The following SULT2A1 variants were observed in gnomAD, a reference collection of about 807,000 sequenced individuals.
SULT2A1 encodes the protein sulfotransferase family 2A member 1.
SULT2A1 carries 43 observed loss-of-function variants against 33.9 expected under a neutral mutation model. That is an observed-to-expected ratio of 1.27 (90% CI 1.00 to 1.64). The LOEUF (loss-of-function observed/expected upper bound fraction) is 1.64. SULT2A1 is among the 40% of genes most tolerant of loss of function. SULT2A1 has a pLI of 0.00. For synonymous variants in SULT2A1, 125 were observed against 113.6 expected (o/e 1.10, Z -0.64); for missense variants, 300 against 335.1 (o/e 0.90, Z 0.82).
chr19:47,877,871 T>C (rs2910393), intron 4 of SULT2A1, among the ~76,000 whole-genome samples: 117,131 of 152,194 alleles, frequency 0.77, 45,335 homozygotes, highest in African/African-American at 0.84. Context: ...TTTCAATACT[T>C]GCTGGTTCTG....
At chr19:47,884,128 C>CA (rs1190408355) in intron 1 of SULT2A1, among the ~76,000 whole-genome samples, 2 of 148,296 alleles carry the variant, frequency 1.3e-5, no homozygotes, top group South Asian at 2.1e-4. Context: ...AAAACAAAAA[C>CA]AAAAAAAAGT....
At chr19:47,882,556 G>A (rs1968613928) in intron 2 of SULT2A1, among the ~76,000 whole-genome samples, 1 of 152,098 alleles carries the variant, frequency 6.6e-6, no homozygotes. Flanking sequence ...CATAAATTAA[G>A]CTACATTCAT....
rs1018215916 is a variant in SULT2A1, at chr19:47,874,494, C to T, written c.745+163G>A. On this transcript the variant is annotated intron_variant, in intron 5 of 5. Coordinates refer to ENST00000222002, the MANE Select transcript of SULT2A1 (RefSeq NM_003167.4). ...GGCGGACGTTGCAGTGAGCTGAGAT[C>T]GCACCACTGCACTCCAGCCTGGGTG... Among the ~76,000 whole-genome samples the T allele has an allele frequency of 2.8e-5, 4 of 144,060 alleles. No homozygotes were observed. The East Asian group carries it at 6.2e-4, about 22-fold the overall frequency. 94.5% of individuals were successfully genotyped at this position (144,060 alleles called of 152,430 possible). A position where few individuals can be genotyped will look rare whatever the true frequency, so the allele number is the denominator to read the frequency against.
In SULT2A1 at chr19:47,880,519, A is replaced by G. The variant is rs543719756; in HGVS notation, c.473-1389T>C. 4.6e-5 allele frequency among the ~76,000 whole-genome samples: 7 copies of G among 151,896 alleles called. No homozygotes were observed. In the South Asian group the frequency reaches 1.0e-3, roughly 23 times the overall value. ...ACCATTTTTTGTCGGGGCGGTGAGA[A>G]CATTTAAGATGGTCTCTCTTAGCAA... On this transcript the variant is annotated intron_variant, in intron 3 of 5. Transcript: ENST00000222002.
intron 1 of SULT2A1, among the ~76,000 whole-genome samples, chr19:47,885,322 G>A (rs1445989885): frequency 2.0e-5 from 3 of 152,156 alleles, no homozygotes; most frequent in Non-Finnish European, 4.4e-5. Context: ...GGTACCTTAT[G>A]TAAGTGGAAT....
intron 1 of SULT2A1, 136 bp downstream of exon 1, chr19:47,885,986 T>A (rs1968652018): frequency 8.3e-6 from 9 of 1,081,118 alleles, no homozygotes; most frequent in Non-Finnish European, 1.2e-5. Context: ...TCTCTGATTG[T>A]CAATGGTATT....
rs1295639718 is a variant in SULT2A1, at chr19:47,870,779, G to T, written c.*676C>A. 2 of 147,262 alleles carry T rather than the reference G, an allele frequency of 1.4e-5. No individual in the cohort carries two copies. Among genetic ancestry groups the T allele is most frequent in the African/African-American group, 2.4e-5 (1 of 41,086 alleles). 9.1% of individuals were successfully genotyped at this position (147,262 alleles called of 1,614,324 possible). The stretch of plus-strand genomic sequence containing the variant: ...ATTGCAAACATTTAAAAAAGTCTGG[G>T]ATCCCATGACTCAACTCACTGCAAC... On this transcript the variant is annotated 3_prime_UTR_variant, in exon 6 of 6. Coordinates refer to ENST00000222002, the MANE Select transcript of SULT2A1 (RefSeq NM_003167.4).
At position 47,870,577 on chromosome 19, in the gene SULT2A1, A is replaced by G. The variant is rs1466280549; in HGVS notation, c.*878T>C. On this transcript the variant is annotated 3_prime_UTR_variant, in exon 6 of 6. Coordinates refer to ENST00000222002, the MANE Select transcript of SULT2A1 (RefSeq NM_003167.4). ...GAGCAATAATAAATTGTGGAGATAC[A>G]TGTGATGAAAAGAAATGGAACCTTA... The G allele has an allele frequency of 1.4e-5, 2 of 148,120 alleles. No individual in the cohort carries two copies. Among genetic ancestry groups the G allele is most frequent in the Non-Finnish European group, 3.0e-5 (2 of 65,746 alleles). 9.2% of individuals were successfully genotyped at this position (148,120 alleles called of 1,614,324 possible).
intron 4 of SULT2A1, among the ~76,000 whole-genome samples, chr19:47,878,829 T>G (rs953228383): frequency 2.6e-5 from 4 of 151,948 alleles, no homozygotes; most frequent in Admixed American, 6.6e-5. Context: ...TGTTTTAAGA[T>G]AAAATAAGGA....
intron 3 of SULT2A1, among the ~76,000 whole-genome samples, chr19:47,880,475 T>C (rs1968592942): frequency 1.3e-5 from 2 of 151,864 alleles, no homozygotes; most frequent in African/African-American, 4.8e-5. Flanking sequence ...AATTAACATA[T>C]TCATTTCCTC....
Position 47,879,106 on chromosome 19 carries a change from T to C in SULT2A1, c.497A>G (p.His166Arg). 6.2e-7 allele frequency: 1 copy of C among 1,613,786 alleles called. No homozygotes were observed. The highest frequency in any genetic ancestry group is 8.5e-7 in the Non-Finnish European group (1 of 1,179,684). ...GTVLYGSWFD[H>R]IHGWMPMREE... ...TCTCATGGGCATCCAGCCATGAATG[T>C]GGTCAAACCATGACCCATATAGCAC... Residue 166 changes from histidine to arginine, a missense_variant, in exon 4 of 6, where the codon CAC (histidine) becomes CGC (arginine). By Grantham distance (29) the His-to-Arg change is conservative (BLOSUM62 0). Transcript: ENST00000222002.
At chr19:47,876,504 G>C (rs1379067768) in intron 4 of SULT2A1, among the ~76,000 whole-genome samples, 2 of 152,224 alleles carry the variant, frequency 1.3e-5, no homozygotes, top group East Asian at 3.9e-4. Context: ...GGAAGGTATG[G>C]GATCGTGTAT....
At chr19:47,883,542 ACTGATCAAACACGT>A in intron 2 of SULT2A1, 21 bp downstream of exon 2, 2 of 1,590,730 alleles carry the variant, frequency 1.3e-6, no homozygotes, top group Non-Finnish European at 1.7e-6. Context: ...TTTGAAAGGC[ACTGATCAAACACGT>A]CTTAACCATT....
At chr19:47,872,436 C>T (rs1050223220) in intron 5 of SULT2A1, among the ~76,000 whole-genome samples, 1 of 152,240 alleles carries the variant, frequency 6.6e-6, no homozygotes, top group Non-Finnish European at 1.5e-5. Flanking sequence ...TCTACTCACA[C>T]GGGGACTTCT....
intron 4 of SULT2A1, 91 bp downstream of exon 4, chr19:47,878,945 G>A: frequency 1.2e-6 from 1 of 832,552 alleles, no homozygotes. Flanking sequence ...CTGAGAGGGT[G>A]GAATGAAGAC....
intron 2 of SULT2A1, 122 bp from the exon 3 acceptor site, chr19:47,882,332 T>C: frequency 8.0e-7 from 1 of 1,249,776 alleles, no homozygotes; most frequent in Non-Finnish European, 1.1e-6. Flanking sequence ...ATGGATTCTT[T>C]TAACAAATTA....
chr19:47,883,847 G>C, intron 1 of SULT2A1, 62 bp from the exon 2 acceptor site: 1 of 1,484,702 alleles, frequency 6.7e-7, no homozygotes, highest in East Asian at 2.4e-5. Flanking sequence ...GGTGGCTCAC[G>C]CCTGTAATCC....
chr19:47,885,623 A>G (rs1279061192), intron 1 of SULT2A1, among the ~76,000 whole-genome samples: 1 of 152,052 alleles, frequency 6.6e-6, no homozygotes, highest in Non-Finnish European at 1.5e-5. Context: ...CCGCATCCGC[A>G]GTGCTCTTAC....
chr19:47,880,392 T>C lies in SULT2A1; in HGVS notation c.473-1262A>G, dbSNP rs775772513. 4.2e-4 allele frequency among the ~76,000 whole-genome samples: 63 copies of C among 151,804 alleles called. 1 individual carries two copies. The highest frequency in any genetic ancestry group is 8.4e-4 in the Non-Finnish European group (57 of 67,982). ...AGGTCCCTCCTACAACACGTGGGGA[T>C]TATGGGGATTACAATTCGAGATGAG... On this transcript the variant is annotated intron_variant, in intron 3 of 5. Transcript: ENST00000222002.
Sources: gnomAD v4.1 joint callset for allele counts (sites outside exome capture counted in the v4.1 genomes callset) on GRCh38, gnomAD v4.1.1 for gene constraint, MANE v1.5 for transcripts, NCBI Gene and HGNC (gene_info 2026-07-23, HGNC 2026-07-21) for gene names.